Variants in ARMH3 observed in about 807,000 individuals in gnomAD.
ARMH3 encodes the protein armadillo like helical domain containing 3.
In ARMH3, 60 loss-of-function variants were observed where a neutral mutation model predicts 99.1. That is an observed-to-expected ratio of 0.61 (90% CI 0.49 to 0.75). The LOEUF (loss-of-function observed/expected upper bound fraction) is 0.75. Among genes scored for constraint, ARMH3 ranks in the 30% least tolerant of loss-of-function variants. ARMH3 has a pLI of 0.00. For synonymous variants in ARMH3, 285 were observed against 292.8 expected, an observed-to-expected ratio of 0.97 and a Z score of 0.27; for missense variants, 679 against 843.1, an observed-to-expected ratio of 0.81 and a Z score of 2.41.
intron 24 of ARMH3, among the ~76,000 whole-genome samples, chr10:101,886,582 G>C (rs1426728952): frequency 6.6e-6 from 1 of 152,268 alleles, no homozygotes; most frequent in South Asian, 2.1e-4. Flanking sequence ...ACTTTATCAC[G>C]AATGATGAAG....
At position 101,868,122 on chromosome 10, in the gene ARMH3, GT is replaced by G. The variant is rs549187193; in HGVS notation, c.1861-18231del. ...TCAAATCAAGGAAATTACAAAAGAGGTTGCAGATATGGATCTTGGAGAAATT... is the reference window on the plus strand; with the variant it reads ...TCAAATCAAGGAAATTACAAAAGAGGTGCAGATATGGATCTTGGAGAAATT... On this transcript the variant is annotated intron_variant, in intron 24 of 25. Transcript: ENST00000370033. 5.3e-4 allele frequency among the ~76,000 whole-genome samples: 81 copies of G among 152,226 alleles called. 1 individual carries two copies. In the South Asian group the frequency reaches 0.016, roughly 31 times the overall value.
intron 23 of ARMH3, among the ~76,000 whole-genome samples, chr10:101,934,197 C>T (rs1843848343): frequency 6.6e-6 from 1 of 152,216 alleles, no homozygotes; most frequent in Non-Finnish European, 1.5e-5. Context: ...CCTCAGCCTC[C>T]CCAGCAGTGT....
In ARMH3 at chr10:101,847,449, C is replaced by T; in HGVS notation, c.*79G>A. The T allele has an allele frequency of 7.0e-7, 1 of 1,430,482 alleles. No individual in the cohort carries two copies. The highest frequency in any genetic ancestry group is 1.2e-5 in the South Asian group (1 of 86,816). The allele number at this position is 1,430,482 out of a possible 1,614,324, so 88.6% of individuals were successfully genotyped here. On this transcript the variant is annotated 3_prime_UTR_variant, in exon 26 of 26. Transcript: ENST00000370033. ...GTTTCTCTCCAACCTCGGGGGCAGC[C>T]CCCTCTCCCCTCGCTCCCCCTCCAG...
intron 1 of ARMH3, among the ~76,000 whole-genome samples, chr10:102,043,796 A>C (rs796480391): frequency 6.6e-6 from 1 of 152,262 alleles, no homozygotes; most frequent in South Asian, 2.1e-4. Flanking sequence ...TATCAAACTT[A>C]CAAATGGTTT....
At chr10:101,984,066 G>A (rs966932085) in intron 19 of ARMH3, among the ~76,000 whole-genome samples, 1 of 152,130 alleles carries the variant, frequency 6.6e-6, no homozygotes, top group Non-Finnish European at 1.5e-5. Context: ...ATCTGCTACA[G>A]AACTGATTGC....
intron 23 of ARMH3, among the ~76,000 whole-genome samples, chr10:101,905,587 G>T (rs935365480): frequency 1.3e-5 from 2 of 152,188 alleles, no homozygotes; most frequent in Admixed American, 1.3e-4. Context: ...CTAGGTAAAA[G>T]CATGTGCAGA....
At chr10:101,871,212 G>A (rs560175212) in intron 24 of ARMH3, among the ~76,000 whole-genome samples, 3 of 152,212 alleles carry the variant, frequency 2.0e-5, no homozygotes, top group East Asian at 1.9e-4. Context: ...GGTATATTAT[G>A]TTTACTCCAT....
chr10:102,045,858 G>A (rs1358489070), intron 1 of ARMH3, among the ~76,000 whole-genome samples: 1 of 152,150 alleles, frequency 6.6e-6, no homozygotes, highest in African/African-American at 2.4e-5. Flanking sequence ...ACTTTGGGAG[G>A]CCGAGGTAGG....
chr10:101,990,266 C>G (rs764023152), intron 19 of ARMH3, among the ~76,000 whole-genome samples: 2 of 151,196 alleles, frequency 1.3e-5, no homozygotes, highest in Non-Finnish European at 2.9e-5. Flanking sequence ...TGACTGCAAG[C>G]TCCGCCTCCT....
intron 24 of ARMH3, among the ~76,000 whole-genome samples, chr10:101,881,943 CT>C (rs1170676411): frequency 6.6e-6 from 1 of 152,154 alleles, no homozygotes; most frequent in African/African-American, 2.4e-5. Context: ...TTTCTGACCA[CT>C]TTTCTGATTG....
At chr10:101,981,347 G>A (rs1410808855) in intron 19 of ARMH3, among the ~76,000 whole-genome samples, 4 of 152,176 alleles carry the variant, frequency 2.6e-5, no homozygotes, top group Admixed American at 2.6e-4. Flanking sequence ...CAACTGACCA[G>A]GCTTGGTGGC....
At chr10:101,877,681 G>A (rs1056382059) in intron 24 of ARMH3, among the ~76,000 whole-genome samples, 9 of 151,762 alleles carry the variant, frequency 5.9e-5, no homozygotes, top group African/African-American at 2.2e-4. Context: ...TTTTTTTAAA[G>A]CTGACAATTA....
At chr10:101,992,109 G>T in intron 17 of ARMH3, 71 bp from the exon 18 acceptor site, 1 of 1,242,910 alleles carries the variant, frequency 8.0e-7, no homozygotes, top group Non-Finnish European at 1.2e-6. Flanking sequence ...CCATCATCAT[G>T]TTCCTTGTGC....
intron 2 of ARMH3, among the ~76,000 whole-genome samples, chr10:102,037,062 A>C (rs1281477926): frequency 6.6e-6 from 1 of 151,814 alleles, no homozygotes; most frequent in Non-Finnish European, 1.5e-5. Context: ...AAAATAAATA[A>C]ATAAATAAAT....
intron 24 of ARMH3, among the ~76,000 whole-genome samples, chr10:101,866,320 C>A (rs1167234997): frequency 6.6e-6 from 1 of 151,836 alleles, no homozygotes; most frequent in East Asian, 1.9e-4. Flanking sequence ...ATGGAACCCA[C>A]ACAAAGTGCC....
At chr10:101,933,137 G>A (rs577700263) in intron 23 of ARMH3, among the ~76,000 whole-genome samples, 1 of 152,266 alleles carries the variant, frequency 6.6e-6, no homozygotes, top group African/African-American at 2.4e-5. Context: ...AGTGAGCGGA[G>A]ATTGCACCAC....
At chr10:102,047,964 C>T (rs2067598899) in intron 1 of ARMH3, among the ~76,000 whole-genome samples, 1 of 152,138 alleles carries the variant, frequency 6.6e-6, no homozygotes, top group African/African-American at 2.4e-5. Flanking sequence ...TCATACAATA[C>T]TCGAGGCAGC....
chr10:101,977,059 T>C (rs189984505), intron 19 of ARMH3, among the ~76,000 whole-genome samples: 1 of 152,348 alleles, frequency 6.6e-6, no homozygotes, highest in Non-Finnish European at 1.5e-5. Context: ...AAATGCAGTT[T>C]GTCAGTTGTG....
intron 23 of ARMH3, among the ~76,000 whole-genome samples, chr10:101,921,349 C>G (rs1843298677): frequency 6.6e-6 from 1 of 152,060 alleles, no homozygotes; most frequent in Non-Finnish European, 1.5e-5. Context: ...GGGAAAGGGA[C>G]TACTGACTGG....
Sources: allele counts gnomAD v4.1 joint callset (sites outside exome capture counted in the v4.1 genomes callset), GRCh38; gene constraint gnomAD v4.1.1; transcripts MANE v1.5; gene names NCBI Gene and HGNC (gene_info 2026-07-23, HGNC 2026-07-21).